LETM1: variants seen among roughly 807,000 people sequenced by gnomAD.
LETM1 encodes the protein leucine zipper and EF-hand containing transmembrane protein 1, also known as mitochondrial proton/calcium exchanger protein.
A neutral mutation model predicts 74.5 loss-of-function variants in LETM1; 50 were observed. The observed-to-expected ratio is 0.67, with a 90% CI of 0.53 to 0.85. The LOEUF is 0.85. Among genes scored for constraint, LETM1 ranks in the 40% least tolerant of loss-of-function variants. LETM1 has a pLI of 0.00. For synonymous variants in LETM1, 446 were observed against 407.1 expected (o/e 1.10, Z -1.15); for missense variants, 824 against 967.8 (o/e 0.85, Z 1.97).
chr4:1,814,859 C>A (rs901714156), intron 13 of LETM1, among the ~76,000 whole-genome samples: 5 of 152,140 alleles, frequency 3.3e-5, no homozygotes, highest in Non-Finnish European at 7.4e-5. Context: ...TGGCCAGGAA[C>A]CTGGGCCATG....
intron 1 of LETM1, 143 bp from the exon 2 acceptor site, chr4:1,849,352 C>T: frequency 1.6e-6 from 1 of 633,850 alleles, no homozygotes; most frequent in Non-Finnish European, 2.9e-6. Flanking sequence ...GCAACCTCCA[C>T]CTCCTGGGTT....
chr4:1,812,032 A>C lies in LETM1; in HGVS notation c.*2392T>G, dbSNP rs2108831309. 6.6e-6 allele frequency: 1 copy of C among 152,230 alleles called. No homozygotes were observed. The highest frequency in any genetic ancestry group is 6.5e-5 in the Admixed American group (1 of 15,282). 9.4% of individuals were successfully genotyped at this position (152,230 alleles called of 1,614,324 possible). A position where few individuals can be genotyped will look rare whatever the true frequency, so the allele number is the denominator to read the frequency against. On this transcript the variant is annotated 3_prime_UTR_variant, in exon 14 of 14. Transcript: ENST00000302787. Reference sequence around the variant, plus strand: ...GCTAACACGGTAAAACACTGTCTCTAATAAAAATACAAAAAAATTAGCCAG... The same window carrying C: ...GCTAACACGGTAAAACACTGTCTCTCATAAAAATACAAAAAAATTAGCCAG...
At chr4:1,820,611 T>C (rs1711743128) in intron 10 of LETM1, among the ~76,000 whole-genome samples, 1 of 152,362 alleles carries the variant, frequency 6.6e-6, no homozygotes, top group South Asian at 2.1e-4. Flanking sequence ...GCTGCCTGCA[T>C]GTGCAGGACA....
At chr4:1,828,043 G>A (rs1712068649) in intron 6 of LETM1, among the ~76,000 whole-genome samples, 1 of 142,826 alleles carries the variant, frequency 7.0e-6, no homozygotes, top group Non-Finnish European at 1.5e-5. Flanking sequence ...CCGGGCAGGG[G>A]GGCTGACCCC....
intron 3 of LETM1, among the ~76,000 whole-genome samples, chr4:1,837,699 G>GTTTTTTTTT: frequency 8.0e-6 from 1 of 125,762 alleles, no homozygotes; most frequent in Non-Finnish European, 1.7e-5. Flanking sequence ...AAATTTACAA[G>GTTTTTTTTT]TTTTTTTTTT....
At position 1,817,564 on chromosome 4, in the gene LETM1, C is replaced by G. The variant is rs544211296; in HGVS notation, c.1744-650G>C. Among the ~76,000 whole-genome samples the G allele has an allele frequency of 2.3e-3, 356 of 151,786 alleles. 3 individuals are homozygous for G. Among genetic ancestry groups the G allele is most frequent in the African/African-American group, 8.1e-3 (336 of 41,438 alleles). On this transcript the variant is annotated intron_variant, in intron 11 of 13. Coordinates refer to ENST00000302787, the MANE Select transcript of LETM1 (RefSeq NM_012318.3). ...TGACAGAGCGAGACCCTATCTCAAA[C>G]AACAACAAAAAAAGGTAATAAATTA...
At chr4:1,815,837 G>A (rs1159342750) in intron 12 of LETM1, 35 bp from the exon 13 acceptor site, 5 of 1,607,968 alleles carry the variant, frequency 3.1e-6, no homozygotes, top group Non-Finnish European at 4.2e-6. Flanking sequence ...GCCACGGGCA[G>A]GCGTCCTGCC....
rs1032833611 is a variant in LETM1, at chr4:1,834,525, A to C, written c.876+320T>G. The C allele has an allele frequency of 1.8e-6, 2 of 1,118,808 alleles. No individual in the cohort carries two copies. Among genetic ancestry groups the C allele is most frequent in the Non-Finnish European group, 2.2e-6 (2 of 912,860 alleles). 69.3% of individuals were successfully genotyped at this position (1,118,808 alleles called of 1,614,324 possible). On this transcript the variant is annotated intron_variant, in intron 5 of 13. Transcript: ENST00000302787. The surrounding 1 kb of genome is among the most constrained non-coding windows in gnomAD (Gnocchi z 5.0). ...CCCAGCAGAGGAGCCCGGCCAAGCC[A>C]CCCACACCTCACACCATCAGGGTCT...
intron 6 of LETM1, among the ~76,000 whole-genome samples, chr4:1,829,787 T>C (rs1353912982): frequency 6.6e-6 from 1 of 152,122 alleles, no homozygotes; most frequent in Non-Finnish European, 1.5e-5. Context: ...GCCAGTGGAC[T>C]GCACTCCAGC....
Position 1,834,377 on chromosome 4 carries a change from A to G in LETM1, c.876+468T>C, listed in dbSNP as rs1362294403. On this transcript the variant is annotated intron_variant, in intron 5 of 13. Transcript: ENST00000302787. The surrounding 1 kb of genome is among the most constrained non-coding windows in gnomAD (Gnocchi z 5.0). ...TCCCCATCCTCACCTCACTCACCAC[A>G]TGACCGCAGGAAACCTCAAGGGCCG... 2.0e-6 allele frequency: 2 copies of G among 990,244 alleles called. No homozygotes were observed. Among genetic ancestry groups the G allele is most frequent in the Non-Finnish European group, 2.4e-6 (2 of 833,526 alleles). The allele number at this position is 990,244 out of a possible 1,614,324, so 61.3% of individuals were successfully genotyped here. A position where few individuals can be genotyped will look rare whatever the true frequency, so the allele number is the denominator to read the frequency against.
In LETM1 at chr4:1,814,478, C is replaced by T. The variant is rs1170796378; in HGVS notation, c.2166G>A (p.Glu722=). 1.2e-6 allele frequency: 2 copies of T among 1,614,166 alleles called. No individual in the cohort carries two copies. The highest frequency in any genetic ancestry group is 1.7e-5 in the Admixed American group (1 of 60,022). Residue 722 remains glutamate, a synonymous_variant, in exon 14 of 14, where the codon GAG becomes GAA. Transcript: ENST00000302787. Reference sequence around the variant, plus strand: ...CTGCCTTCTCTTTGGCCTTCTCCTTCTCCTCCACCTTCTCCTCTTTTTCCA... The same window carrying T: ...CTGCCTTCTCTTTGGCCTTCTCCTTTTCCTCCACCTTCTCCTCTTTTTCCA... ...ATLEKEEKVE[E]KEKAKEKAEK... is the part of the protein sequence containing the mutation.
chr4:1,826,676 A>G lies in LETM1; in HGVS notation c.1081-993T>C, dbSNP rs755236507. On this transcript the variant is annotated intron_variant, in intron 6 of 13. Coordinates refer to ENST00000302787, the MANE Select transcript of LETM1 (RefSeq NM_012318.3). ...CTCTCACTGCCATGCGGCATTCTGCAGCATGCGTGCCCTCCTTAGCCGAAC... is the reference window on the plus strand; with the variant it reads ...CTCTCACTGCCATGCGGCATTCTGCGGCATGCGTGCCCTCCTTAGCCGAAC... Among the ~76,000 whole-genome samples the G allele has an allele frequency of 7.9e-5, 12 of 152,246 alleles. 1 individual carries two copies. Among genetic ancestry groups the G allele is most frequent in the Non-Finnish European group, 7.3e-5 (5 of 68,038 alleles).
At chr4:1,833,071 TTC>T (rs1712336118) in intron 5 of LETM1, 124 bp from the exon 6 acceptor site, 4 of 776,968 alleles carry the variant, frequency 5.1e-6, no homozygotes, top group African/African-American at 1.8e-5. Flanking sequence ...TGACTACTTC[TTC>T]TTTTTTTTTT....
chr4:1,849,241 A>G (rs746976405), intron 1 of LETM1, 32 bp from the exon 2 acceptor site: 11 of 1,506,998 alleles, frequency 7.3e-6, no homozygotes, highest in Non-Finnish European at 9.2e-6. Flanking sequence ...ATAAATGAGT[A>G]GTAAATCAGG....
chr4:1,829,023 G>A (rs1177678503), intron 6 of LETM1, among the ~76,000 whole-genome samples: 3 of 107,580 alleles, frequency 2.8e-5, no homozygotes, highest in East Asian at 3.2e-4. Flanking sequence ...CGGACGGGGC[G>A]GCTGGCCGGG....
rs908772510 is a variant in LETM1 at position 1,834,634 on chromosome 4, C to T, written c.876+211G>A. The T allele has an allele frequency of 1.9e-5, 27 of 1,390,970 alleles. No homozygotes were observed. The highest frequency in any genetic ancestry group is 2.7e-4 in the Middle Eastern group (1 of 3,754). The allele number at this position is 1,390,970 out of a possible 1,614,324, so 86.2% of individuals were successfully genotyped here. On this transcript the variant is annotated intron_variant, in intron 5 of 13. Coordinates refer to ENST00000302787, the MANE Select transcript of LETM1 (RefSeq NM_012318.3). The surrounding 1 kb of genome is among the most constrained non-coding windows in gnomAD (Gnocchi z 5.0). ...AGACGCCCATAATTCTGAAGGCTGA[C>T]GAGGCGCAGCCACCACAGCTTAACT... is the stretch of plus-strand genomic sequence containing the variant.
chr4:1,816,647 GCCC>G, intron 12 of LETM1, 77 bp downstream of exon 12: 1 of 1,406,248 alleles, frequency 7.1e-7, no homozygotes. Context: ...AGCCAGAAGG[GCCC>G]AGCTCGGATC....
chr4:1,822,952 C>G, intron 9 of LETM1, 36 bp downstream of exon 9: 1 of 1,405,004 alleles, frequency 7.1e-7, no homozygotes, highest in Non-Finnish European at 9.3e-7. Flanking sequence ...TGGCTCAGGA[C>G]AGCCCCACGC....
Position 1,849,798 on chromosome 4 carries a change from T to C in LETM1, c.83-589A>G, listed in dbSNP as rs1011948734. Among the ~76,000 whole-genome samples, 39 of 152,208 alleles carry C rather than the reference T, an allele frequency of 2.6e-4. 1 individual carries two copies. The highest frequency in any genetic ancestry group is 4.8e-5 in the African/African-American group (2 of 41,458). On this transcript the variant is annotated intron_variant, in intron 1 of 13. Transcript: ENST00000302787. Reference sequence around the variant, plus strand: ...TTTGGCCTCGAGCGACCCTCCTGCATTGGTCTCCCAAAGTGTTGGGATTAC... The same window carrying C: ...TTTGGCCTCGAGCGACCCTCCTGCACTGGTCTCCCAAAGTGTTGGGATTAC...
Sources: gnomAD v4.1 joint callset for allele counts (sites outside exome capture counted in the v4.1 genomes callset) on GRCh38, gnomAD v4.1.1 for gene constraint, Gnocchi (gnomAD v3.1) non-coding constraint, MANE v1.5 for transcripts, NCBI Gene and HGNC (gene_info 2026-07-23, HGNC 2026-07-21) for gene names.